Variants in NCAM2 observed in about 807,000 individuals in gnomAD.
NCAM2 encodes the protein neural cell adhesion molecule 2, also known as N-CAM-2.
Under a neutral mutation model 98.1 loss-of-function variants are expected in NCAM2, and 30 were observed. The observed-to-expected ratio is 0.31, with a 90% CI of 0.23 to 0.41. NCAM2 has a LOEUF of 0.41. Ranked by LOEUF, NCAM2 falls within the 10% of genes least tolerant of loss-of-function variation. NCAM2 has a pLI of 1.00. For synonymous variants in NCAM2, 368 were observed against 342.4 expected (o/e 1.07, Z -0.83); for missense variants, 867 against 1,005.8 (o/e 0.86, Z 1.87).
chr21:21,319,229 A>T, intron 5 of NCAM2, among the ~76,000 whole-genome samples: 1 of 152,378 alleles, frequency 6.6e-6, no homozygotes, highest in Non-Finnish European at 1.5e-5. Context: ...AAATAGCAAT[A>T]AAATTAACAA....
At chr21:21,354,389 CTCTT>C (rs972024257) in intron 8 of NCAM2, among the ~76,000 whole-genome samples, 1 of 152,118 alleles carries the variant, frequency 6.6e-6, no homozygotes, top group African/African-American at 2.4e-5. Context: ...GTTACATGTC[CTCTT>C]TCTTCTTTAA....
At position 21,058,669 on chromosome 21, in the gene NCAM2, AT is replaced by A. The variant is rs59289753; in HGVS notation, c.55+60066del. On this transcript the variant is annotated intron_variant, in intron 1 of 17. Coordinates refer to ENST00000400546, the MANE Select transcript of NCAM2 (RefSeq NM_004540.5). ...AGACTTGCATTAAAATTCACACAGG[AT>A]TTTTTTTTTTTTTTATTCATTGTAC... Among the ~76,000 whole-genome samples, 130 of 144,850 alleles carry A rather than the reference AT, an allele frequency of 9.0e-4. 1 individual carries two copies. Among genetic ancestry groups the A allele is most frequent in the African/African-American group, 2.5e-3 (98 of 39,736 alleles).
At position 21,307,906 on chromosome 21, in the gene NCAM2, C is replaced by G. The variant is rs1317826631; in HGVS notation, c.619+15665C>G. 3.3e-5 allele frequency among the ~76,000 whole-genome samples: 5 copies of G among 152,074 alleles called. No homozygotes were observed. The East Asian group carries it at 7.7e-4, about 23-fold the overall frequency. On this transcript the variant is annotated intron_variant, in intron 5 of 17. Coordinates refer to ENST00000400546, the MANE Select transcript of NCAM2 (RefSeq NM_004540.5). ...TGTGATTGGTCTCGCCTAGATAATT[C>G]ATGATAATTTCCTCACTTAATGTCT... is the stretch of plus-strand genomic sequence containing the variant.
At chr21:21,016,948 A>G (rs1270468688) in intron 1 of NCAM2, among the ~76,000 whole-genome samples, 2 of 152,188 alleles carry the variant, frequency 1.3e-5, no homozygotes, top group Admixed American at 1.3e-4. Flanking sequence ...GAATAAACCA[A>G]AATGCATACC....
At chr21:21,042,575 T>C (rs1392227492) in intron 1 of NCAM2, among the ~76,000 whole-genome samples, 1 of 152,208 alleles carries the variant, frequency 6.6e-6, no homozygotes, top group East Asian at 1.9e-4. Flanking sequence ...CAGGGATTTT[T>C]CTTTTCAGAT....
chr21:21,486,262 C>T (rs1188340072), intron 15 of NCAM2, among the ~76,000 whole-genome samples: 1 of 135,170 alleles, frequency 7.4e-6, no homozygotes. Context: ...CGAGATCGCG[C>T]CACTGCACTC....
chr21:21,096,540 GT>G (rs553675169), intron 1 of NCAM2, among the ~76,000 whole-genome samples: 130 of 151,774 alleles, frequency 8.6e-4, no homozygotes, highest in Non-Finnish European at 1.5e-3. Context: ...GAATTAAAAT[GT>G]TTTTTTCTCT....
chr21:21,420,255 T>G (rs2077084081), intron 11 of NCAM2, among the ~76,000 whole-genome samples: 1 of 152,036 alleles, frequency 6.6e-6, no homozygotes, highest in Non-Finnish European at 1.5e-5. Flanking sequence ...ATATTCTAGT[T>G]TTACCTCTAA....
intron 6 of NCAM2, among the ~76,000 whole-genome samples, chr21:21,325,033 G>GT (rs1479616336): frequency 6.7e-6 from 1 of 149,136 alleles, no homozygotes; most frequent in Admixed American, 6.8e-5. Flanking sequence ...TAATTTGATA[G>GT]TTTATTTTTT....
intron 1 of NCAM2, among the ~76,000 whole-genome samples, chr21:21,088,094 A>G (rs994598426): frequency 5.3e-5 from 8 of 152,242 alleles, no homozygotes; most frequent in African/African-American, 1.9e-4. Context: ...ATATGATGCT[A>G]TATTAAATAA....
chr21:21,048,078 T>C (rs1225437761), intron 1 of NCAM2, among the ~76,000 whole-genome samples: 1 of 152,134 alleles, frequency 6.6e-6, no homozygotes, highest in Non-Finnish European at 1.5e-5. Context: ...TTCTTTCCTT[T>C]CCAAATCCAG....
chr21:21,528,996 A>G (rs1407757161), intron 16 of NCAM2, among the ~76,000 whole-genome samples: 1 of 152,096 alleles, frequency 6.6e-6, no homozygotes, highest in African/African-American at 2.4e-5. Flanking sequence ...AACGAGTGAA[A>G]TTTTGCTGTT....
intron 1 of NCAM2, among the ~76,000 whole-genome samples, chr21:21,071,979 C>T (rs1038330950): frequency 6.6e-6 from 1 of 151,916 alleles, no homozygotes; most frequent in Admixed American, 6.6e-5. Flanking sequence ...GTGGCGCGAT[C>T]TCGGCTCACT....
intron 1 of NCAM2, among the ~76,000 whole-genome samples, chr21:21,052,950 T>A (rs2146300893): frequency 6.6e-6 from 1 of 152,282 alleles, no homozygotes; most frequent in East Asian, 1.9e-4. Context: ...TGTTTTTGTA[T>A]TTTGCTTTGC....
chr21:21,301,342 T>C (rs1222149229), intron 5 of NCAM2, among the ~76,000 whole-genome samples: 3 of 151,344 alleles, frequency 2.0e-5, no homozygotes, highest in African/African-American at 7.3e-5. Flanking sequence ...TTCTTAGGTT[T>C]TCTTTTAGGA....
At chr21:21,363,903 C>T (rs1175645842) in intron 8 of NCAM2, among the ~76,000 whole-genome samples, 3 of 152,024 alleles carry the variant, frequency 2.0e-5, no homozygotes, top group Non-Finnish European at 2.9e-5. Flanking sequence ...ATCTTAATAA[C>T]TTCTGTTAGA....
At chr21:21,454,089 C>A (rs982333865) in intron 12 of NCAM2, among the ~76,000 whole-genome samples, 1 of 151,984 alleles carries the variant, frequency 6.6e-6, no homozygotes, top group Non-Finnish European at 1.5e-5. Flanking sequence ...TGACCACCTA[C>A]CCTTTTCTAA....
intron 13 of NCAM2, among the ~76,000 whole-genome samples, chr21:21,468,040 A>G (rs900315827): frequency 6.6e-6 from 1 of 151,998 alleles, no homozygotes; most frequent in African/African-American, 2.4e-5. Context: ...TCAAAACAAT[A>G]TAAGCATCAT....
At chr21:21,500,735 C>G (rs1047209696) in intron 15 of NCAM2, among the ~76,000 whole-genome samples, 6 of 152,124 alleles carry the variant, frequency 3.9e-5, no homozygotes, top group Non-Finnish European at 8.8e-5. Context: ...AAACATGAAT[C>G]TTAACTCATT....
Sources: gnomAD v4.1 joint callset for allele counts (sites outside exome capture counted in the v4.1 genomes callset) on GRCh38, gnomAD v4.1.1 for gene constraint, MANE v1.5 for transcripts, NCBI Gene and HGNC (gene_info 2026-07-23, HGNC 2026-07-21) for gene names.